CADM2: variants seen among roughly 807,000 people sequenced by gnomAD.
CADM2 encodes cell adhesion molecule 2.
CADM2 carries 12 observed loss-of-function variants against 49.8 expected under a neutral mutation model. The observed-to-expected ratio is 0.24, with a 90% CI of 0.15 to 0.39. The LOEUF is 0.39. CADM2 is among the 10% of genes least tolerant of loss of function. The probability of loss-of-function intolerance (pLI) is 1.00; values close to 1 mark genes in which losing one functional copy is unlikely to be tolerated. For synonymous variants in CADM2, 214 were observed against 175.4 expected (o/e 1.22, Z -1.74); for missense variants, 378 against 492.3 (o/e 0.77, Z 2.20).
chr3:86,027,712 GA>G (rs1456769482), intron 8 of CADM2, among the ~76,000 whole-genome samples: 1 of 151,910 alleles, frequency 6.6e-6, no homozygotes, highest in Non-Finnish European at 1.5e-5. Flanking sequence ...TATAAACTTT[GA>G]AAAATATGTA....
At chr3:85,984,495 T>G (rs1727856768) in intron 8 of CADM2, among the ~76,000 whole-genome samples, 1 of 151,832 alleles carries the variant, frequency 6.6e-6, no homozygotes, top group Admixed American at 6.6e-5. Context: ...TAAGTGGTTA[T>G]GTTTATTTAT....
chr3:85,728,507 A>C (rs1363406152), intron 2 of CADM2, among the ~76,000 whole-genome samples: 1 of 152,154 alleles, frequency 6.6e-6, no homozygotes. Context: ...TTTTTGGTCC[A>C]ATTTCTATAT....
intron 1 of CADM2, among the ~76,000 whole-genome samples, chr3:85,545,291 C>T (rs1419856407): frequency 2.0e-5 from 3 of 152,124 alleles, no homozygotes; most frequent in African/African-American, 7.2e-5. Context: ...ATTGTAATGA[C>T]TATTTTTTGG....
At chr3:86,004,571 C>T (rs938425872) in intron 8 of CADM2, among the ~76,000 whole-genome samples, 2 of 152,166 alleles carry the variant, frequency 1.3e-5, no homozygotes, top group East Asian at 1.9e-4. Context: ...AAATATTTAA[C>T]ATTTCCCGGG....
chr3:85,303,093 T>C (rs1289622060), intron 1 of CADM2, among the ~76,000 whole-genome samples: 2 of 151,900 alleles, frequency 1.3e-5, no homozygotes, highest in East Asian at 3.9e-4. Context: ...TGGACAAAAT[T>C]TTTGTGTGTG....
intron 1 of CADM2, among the ~76,000 whole-genome samples, chr3:85,218,497 G>T (rs1390241171): frequency 1.3e-5 from 2 of 152,102 alleles, no homozygotes; most frequent in African/African-American, 4.8e-5. Context: ...CATAAACGAG[G>T]TAGCTGAGAG....
At chr3:85,180,457 C>T (rs770244274) in intron 1 of CADM2, among the ~76,000 whole-genome samples, 6 of 146,564 alleles carry the variant, frequency 4.1e-5, no homozygotes, top group East Asian at 2.0e-4. Context: ...TGCAATGAGC[C>T]GCGGTAGCGC....
At chr3:85,550,362 A>G (rs766411057) in intron 1 of CADM2, among the ~76,000 whole-genome samples, 5 of 152,170 alleles carry the variant, frequency 3.3e-5, no homozygotes, top group Non-Finnish European at 5.9e-5. Context: ...TCCATTTTCT[A>G]TTGATGGAGA....
intron 8 of CADM2, chr3:86,012,451 G>C (rs148882049): frequency 4.8e-5 from 25 of 521,442 alleles, no homozygotes; most frequent in Non-Finnish European, 7.9e-5. Context: ...CCCGCGCGCC[G>C]GCCCTGCAGA....
At chr3:85,700,190 A>G (rs1472877170) in intron 1 of CADM2, among the ~76,000 whole-genome samples, 1 of 152,210 alleles carries the variant, frequency 6.6e-6, no homozygotes, top group East Asian at 1.9e-4. Context: ...TTGCAGGGAC[A>G]TGGATGAAGC....
At chr3:85,705,065 G>A (rs1577125265) in intron 1 of CADM2, among the ~76,000 whole-genome samples, 1 of 141,402 alleles carries the variant, frequency 7.1e-6, no homozygotes, top group African/African-American at 2.6e-5. Flanking sequence ...ACGGGGTTTT[G>A]CCTGGTTAGC....
chr3:85,740,601 G>A (rs543125629), intron 2 of CADM2, among the ~76,000 whole-genome samples: 2 of 151,992 alleles, frequency 1.3e-5, no homozygotes, highest in South Asian at 4.2e-4. Flanking sequence ...AGAATATGAG[G>A]CCATAATCAT....
At chr3:85,495,971 G>A (rs1205866858) in intron 1 of CADM2, among the ~76,000 whole-genome samples, 2 of 152,078 alleles carry the variant, frequency 1.3e-5, no homozygotes, top group African/African-American at 4.8e-5. Context: ...TTCCTCTGCT[G>A]CAAAAGCCTC....
chr3:85,206,533 A>T (rs373251312), intron 1 of CADM2, among the ~76,000 whole-genome samples: 2,742 of 151,682 alleles, frequency 0.018, 71 homozygotes, highest in African/African-American at 0.061. Flanking sequence ...GGTCTTGATC[A>T]CCTGACCTCG....
In CADM2 at chr3:85,119,513, GT is replaced by G. The variant is rs1054022694; in HGVS notation, c.61+159854del. Among the ~76,000 whole-genome samples the G allele has an allele frequency of 4.6e-5, 7 of 151,400 alleles. No individual in the cohort carries two copies. The South Asian group carries it at 1.3e-3, about 27-fold the overall frequency. ...TTGGTTCCATATGAAATTTAAAGTAGTTTTTTTTTCTAATTCTGTGAAGAAA... is the reference window on the plus strand; with the variant it reads ...TTGGTTCCATATGAAATTTAAAGTAGTTTTTTTTCTAATTCTGTGAAGAAA... On this transcript the variant is annotated intron_variant, in intron 1 of 9. Transcript: ENST00000383699.
chr3:84,973,413 C>T (rs746153558), intron 1 of CADM2, among the ~76,000 whole-genome samples: 1 of 151,548 alleles, frequency 6.6e-6, no homozygotes, highest in African/African-American at 2.4e-5. Context: ...ATCCTGAAAA[C>T]GTTCTCAGTA....
At chr3:85,700,953 A>T (rs2066734245) in intron 1 of CADM2, among the ~76,000 whole-genome samples, 1 of 152,092 alleles carries the variant, frequency 6.6e-6, no homozygotes, top group Non-Finnish European at 1.5e-5. Flanking sequence ...TCTCAGTAAC[A>T]TTTTTTCTGT....
intron 1 of CADM2, among the ~76,000 whole-genome samples, chr3:84,991,556 C>A (rs1410909330): frequency 1.3e-5 from 2 of 152,124 alleles, no homozygotes; most frequent in Non-Finnish European, 2.9e-5. Flanking sequence ...ATCCAGAACA[C>A]TGACAACACC....
At chr3:85,722,648 A>C (rs2067549816) in intron 1 of CADM2, among the ~76,000 whole-genome samples, 1 of 152,212 alleles carries the variant, frequency 6.6e-6, no homozygotes, top group South Asian at 2.1e-4. Context: ...TATATTACCC[A>C]TATATTGCAA....
Sources: allele counts gnomAD v4.1 joint callset (sites outside exome capture counted in the v4.1 genomes callset), GRCh38; gene constraint gnomAD v4.1.1; transcripts MANE v1.5; gene names NCBI Gene and HGNC (gene_info 2026-07-23, HGNC 2026-07-21).